The following GRXCR2 variants were observed in gnomAD, a reference collection of about 807,000 sequenced individuals.
GRXCR2 encodes the protein glutaredoxin domain-containing cysteine-rich protein 2.
In GRXCR2, 23 loss-of-function variants were observed where a neutral mutation model predicts 24.8. That is an observed-to-expected ratio of 0.93 (90% CI 0.67 to 1.32). The LOEUF (loss-of-function observed/expected upper bound fraction) is 1.32. GRXCR2 is among the 40% of genes most tolerant of loss of function. The probability of loss-of-function intolerance (pLI) is 0.00; values close to 1 mark genes in which losing one functional copy is unlikely to be tolerated. For missense variants in GRXCR2, 315 were observed against 303.4 expected (o/e 1.04, Z -0.28); for synonymous variants, 130 against 116.1 (o/e 1.12, Z -0.77).
At chr5:145,873,745 C>T (rs1432502530), upstream of GRXCR2, among the ~76,000 whole-genome samples, 3 of 152,216 alleles carry the variant, frequency 2.0e-5, no homozygotes, top group Non-Finnish European at 4.4e-5. Flanking sequence ...AGCACCTCCA[C>T]TTGGTATGTA....
chr5:145,921,960 T>C (rs1310870562), intron 2 of GRXCR2, among the ~76,000 whole-genome samples: 1 of 152,198 alleles, frequency 6.6e-6, no homozygotes. Context: ...AGACATAAAA[T>C]GATAAATGAA....
At chr5:145,911,951 G>A (rs1047255779) in intron 2 of GRXCR2, among the ~76,000 whole-genome samples, 1 of 152,164 alleles carries the variant, frequency 6.6e-6, no homozygotes, top group African/African-American at 2.4e-5. Context: ...AAAAAAATTA[G>A]CCCAGTATGG....
intron 1 of GRXCR2, among the ~76,000 whole-genome samples, chr5:145,872,026 C>A (rs1028884717): frequency 6.6e-6 from 1 of 152,188 alleles, no homozygotes; most frequent in African/African-American, 2.4e-5. Flanking sequence ...TAAACACATT[C>A]TTCAATCGAA....
chr5:145,906,090 G>A (rs1008681411), intron 2 of GRXCR2, among the ~76,000 whole-genome samples: 1 of 152,136 alleles, frequency 6.6e-6, no homozygotes, highest in Non-Finnish European at 1.5e-5. Context: ...TCACTCTGTT[G>A]GTAATGCAGG....
At chr5:145,912,871 C>A (rs766623082) in intron 2 of GRXCR2, among the ~76,000 whole-genome samples, 1 of 151,962 alleles carries the variant, frequency 6.6e-6, no homozygotes, top group Non-Finnish European at 1.5e-5. Context: ...CCAGCTCATG[C>A]GGGCCTGGTA....
chr5:145,884,186 A>T (rs937205493), intron 2 of GRXCR2, among the ~76,000 whole-genome samples: 1 of 152,170 alleles, frequency 6.6e-6, no homozygotes, highest in Non-Finnish European at 1.5e-5. Flanking sequence ...GGTTTACAAG[A>T]AGTACAGAGA....
chr5:145,920,641 G>T (rs1019032089), intron 2 of GRXCR2, among the ~76,000 whole-genome samples: 1 of 152,190 alleles, frequency 6.6e-6, no homozygotes, highest in African/African-American at 2.4e-5. Flanking sequence ...GAGGGTGGGG[G>T]TGACAAACAA....
Position 145,872,875 on chromosome 5 carries a change from A to G in GRXCR2, c.94T>C (p.Leu32=). Residue 32 remains leucine (L), a synonymous_variant, in exon 1 of 3, where the codon TTG becomes CTG. Coordinates refer to ENST00000377976, the MANE Select transcript of GRXCR2 (RefSeq NM_001080516.2). ...TGCCCATCCTCAAAGACCTGCTTCA[A>G]TACTCGACCGCTGTAGGAGGAGGAG... ...KISSSYSGRV[L]KQVFEDGQEL... 1 of 1,614,084 alleles carries G rather than the reference A, an allele frequency of 6.2e-7. No homozygotes were observed. The highest frequency in any genetic ancestry group is 1.6e-4 in the Middle Eastern group (1 of 6,062).
chr5:145,859,404 T>A lies in GRXCR2; in HGVS notation c.*329A>T, dbSNP rs772405286. ...TTTTGCAAAATAACTCCCAACCTGA[T>A]GCCTGAAGTGTACATGTATTTGCTC... On this transcript the variant is annotated 3_prime_UTR_variant, in exon 3 of 3. Transcript: ENST00000377976. 7.0e-6 allele frequency: 2 copies of A among 287,574 alleles called. No homozygotes were observed. The highest frequency in any genetic ancestry group is 1.5e-4 in the East Asian group (2 of 13,746). The allele number at this position is 287,574 out of a possible 1,614,324, so 17.8% of individuals were successfully genotyped here.
chr5:145,864,076 G>T (rs1384210168), intron 2 of GRXCR2, among the ~76,000 whole-genome samples: 1 of 152,102 alleles, frequency 6.6e-6, no homozygotes, highest in Non-Finnish European at 1.5e-5. Flanking sequence ...TCTGATGAGG[G>T]GTGTAAGGTG....
chr5:145,887,946 T>G (rs1015615900), intron 2 of GRXCR2, among the ~76,000 whole-genome samples: 7 of 152,244 alleles, frequency 4.6e-5, no homozygotes, highest in African/African-American at 1.2e-4. Flanking sequence ...ATATGTAGTA[T>G]TTTATATCAA....
chr5:145,925,849 T>C (rs902365716), intron 2 of GRXCR2, among the ~76,000 whole-genome samples: 5 of 152,044 alleles, frequency 3.3e-5, no homozygotes, highest in Admixed American at 6.6e-5. Flanking sequence ...GGGAAAAAAA[T>C]TTGTTTCTCC....
chr5:145,861,005 T>C (rs1444638685), intron 2 of GRXCR2, among the ~76,000 whole-genome samples: 1 of 152,014 alleles, frequency 6.6e-6, no homozygotes, highest in Non-Finnish European at 1.5e-5. Context: ...ATCTTGGTAC[T>C]CCTTATAGAC....
chr5:145,861,775 T>C (rs1424681400), intron 2 of GRXCR2, among the ~76,000 whole-genome samples: 1 of 152,192 alleles, frequency 6.6e-6, no homozygotes, highest in East Asian at 1.9e-4. Context: ...TGGGTAGCTC[T>C]GCCCAACTCA....
intron 2 of GRXCR2, among the ~76,000 whole-genome samples, chr5:145,910,435 C>A (rs1408018242): frequency 1.3e-5 from 2 of 152,042 alleles, no homozygotes; most frequent in Non-Finnish European, 2.9e-5. Flanking sequence ...CCAGTAATTT[C>A]CCCACTGTTC....
At chr5:145,870,403 T>C (rs1756509428) in intron 1 of GRXCR2, among the ~76,000 whole-genome samples, 1 of 152,198 alleles carries the variant, frequency 6.6e-6, no homozygotes, top group Non-Finnish European at 1.5e-5. Flanking sequence ...TGTGCATGTG[T>C]CAAAATGGCC....
intron 2 of GRXCR2, among the ~76,000 whole-genome samples, chr5:145,861,094 T>G (rs1277701469): frequency 6.6e-6 from 1 of 151,792 alleles, no homozygotes; most frequent in Non-Finnish European, 1.5e-5. Flanking sequence ...CCATTTCAGC[T>G]TCTGAAAATC....
chr5:145,917,903 C>T (rs1375779046), intron 2 of GRXCR2, among the ~76,000 whole-genome samples: 1 of 152,200 alleles, frequency 6.6e-6, no homozygotes, highest in Non-Finnish European at 1.5e-5. Context: ...CCTCAGCCTC[C>T]CAAGTAGCTG....
chr5:145,873,983 G>A (rs1347340129), upstream of GRXCR2, among the ~76,000 whole-genome samples: 1 of 152,150 alleles, frequency 6.6e-6, no homozygotes, highest in Non-Finnish European at 1.5e-5. Flanking sequence ...GCCACTCTGG[G>A]AAGGAAGTGG....
Sources: gnomAD v4.1 joint callset for allele counts (sites outside exome capture counted in the v4.1 genomes callset) on GRCh38, gnomAD v4.1.1 for gene constraint, MANE v1.5 for transcripts, NCBI Gene and HGNC (gene_info 2026-07-23, HGNC 2026-07-21) for gene names.